Variants in OSBPL10 observed in about 807,000 individuals in gnomAD.
The protein encoded by OSBPL10 is oxysterol-binding protein-related protein 10.
A neutral mutation model predicts 81.7 loss-of-function variants in OSBPL10; 49 were observed. The ratio of observed to expected loss-of-function variants is 0.60; its 90% CI spans 0.48 to 0.76. The LOEUF (loss-of-function observed/expected upper bound fraction) is 0.76, where lower values mean the gene tolerates loss of function less well. Ranked by LOEUF, OSBPL10 falls within the 30% of genes least tolerant of loss-of-function variation. The pLI is 0.00. For synonymous variants in OSBPL10, 419 were observed against 383.6 expected, an observed-to-expected ratio of 1.09 and a Z score of -1.08; for missense variants, 923 against 987.8, an observed-to-expected ratio of 0.93 and a Z score of 0.88.
At chr3:31,855,316 G>C (rs1033294404) in intron 3 of OSBPL10, among the ~76,000 whole-genome samples, 1 of 152,146 alleles carries the variant, frequency 6.6e-6, no homozygotes, top group Admixed American at 6.6e-5. Flanking sequence ...CGCCATGCTC[G>C]GTGAGTTGTC....
intron 2 of OSBPL10, among the ~76,000 whole-genome samples, chr3:32,038,243 C>A (rs1262711087): frequency 6.6e-6 from 1 of 152,112 alleles, no homozygotes; most frequent in Non-Finnish European, 1.5e-5. Flanking sequence ...AACATTACGG[C>A]CAGGAGAAAA....
At position 31,931,199 on chromosome 3, in the gene OSBPL10, T is replaced by C. The variant is rs553445881; in HGVS notation, c.281+49700A>G. Among the ~76,000 whole-genome samples, 277 of 152,008 alleles carry C rather than the reference T, an allele frequency of 1.8e-3. 1 individual carries two copies. Among genetic ancestry groups the C allele is most frequent in the African/African-American group, 6.3e-3 (263 of 41,442 alleles). ...ACAATTCATGGCATTCTCTTTTGGA[T>C]TGAAAACCATGTGAACGTAATACCT... is the stretch of plus-strand genomic sequence containing the variant. On this transcript the variant is annotated intron_variant, in intron 1 of 11. Coordinates refer to ENST00000396556, the MANE Select transcript of OSBPL10 (RefSeq NM_017784.5).
chr3:31,770,871 T>TA (rs1306075172), intron 4 of OSBPL10, among the ~76,000 whole-genome samples: 1 of 152,202 alleles, frequency 6.6e-6, no homozygotes, highest in African/African-American at 2.4e-5. Context: ...TACAAGCTCC[T>TA]ACTCAGTTAA....
rs1699284678 is a variant in OSBPL10 at position 32,013,843 on chromosome 3, A to C, written n.298+32648T>G. Among the ~76,000 whole-genome samples, 6 of 152,242 alleles carry C rather than the reference A, an allele frequency of 3.9e-5. No individual in the cohort carries two copies. The South Asian group carries it at 1.0e-3, about 26-fold the overall frequency. ...TCTATGCAAATAAACTTGAAAATCTAGAAGAAATGGATAAATTCCTCGACA... is the reference window on the plus strand; with the variant it reads ...TCTATGCAAATAAACTTGAAAATCTCGAAGAAATGGATAAATTCCTCGACA... On this transcript the variant is annotated intron_variant and non_coding_transcript_variant, in intron 2 of 3. Transcript: ENST00000479173.
chr3:31,780,085 A>C (rs969779924), intron 4 of OSBPL10, among the ~76,000 whole-genome samples: 5 of 152,074 alleles, frequency 3.3e-5, no homozygotes, highest in African/African-American at 1.2e-4. Context: ...GAGGTCAGGC[A>C]ATCGAGACCA....
chr3:31,825,223 G>C (rs1426673680), intron 4 of OSBPL10, among the ~76,000 whole-genome samples: 12 of 152,212 alleles, frequency 7.9e-5, no homozygotes, highest in Admixed American at 7.9e-4. Context: ...GATAGAGCAA[G>C]GCATGAACTC....
rs553282664 is a variant in OSBPL10, at chr3:31,745,730, G to A, written c.940+2180C>T. Among the ~76,000 whole-genome samples, 26 of 152,266 alleles carry A rather than the reference G, an allele frequency of 1.7e-4. No individual in the cohort carries two copies. In the South Asian group the frequency reaches 5.4e-3, roughly 32 times the overall value. ...TTGTGTCCCAGCATATCATCTGAAC[G>A]ATGGGCATAATCATACCTACTTTGT... On this transcript the variant is annotated intron_variant, in intron 5 of 11. Transcript: ENST00000396556.
intron 1 of OSBPL10, among the ~76,000 whole-genome samples, chr3:31,907,684 T>C (rs1047279875): frequency 6.9e-6 from 1 of 145,898 alleles, no homozygotes; most frequent in African/African-American, 2.6e-5. Flanking sequence ...TCATAACTAG[T>C]TCATATAAGG....
chr3:31,808,802 C>G (rs1049949716), intron 4 of OSBPL10, among the ~76,000 whole-genome samples: 1 of 152,216 alleles, frequency 6.6e-6, no homozygotes, highest in Admixed American at 6.5e-5. Flanking sequence ...GTCTGTTCCA[C>G]TAGAATTTAA....
chr3:31,859,836 T>C (rs1418792993), intron 3 of OSBPL10, among the ~76,000 whole-genome samples: 2 of 152,188 alleles, frequency 1.3e-5, no homozygotes, highest in Non-Finnish European at 2.9e-5. Context: ...CACCCTTACC[T>C]TGTAGTATAA....
rs1030174017 is a variant in OSBPL10, at chr3:31,937,665, TCC to T, written c.281+43232_281+43233del. Among the ~76,000 whole-genome samples the T allele has an allele frequency of 3.1e-4, 46 of 148,178 alleles. 1 individual carries two copies. The highest frequency in any genetic ancestry group is 6.0e-5 in the Non-Finnish European group (4 of 67,138). Reference sequence around the variant, plus strand: ...CAAAACTTCCCTTGGATCCCCACCCTCCTACACCTTTGTACTGAACCTCTTGG... The same window carrying T: ...CAAAACTTCCCTTGGATCCCCACCCTTACACCTTTGTACTGAACCTCTTGG... On this transcript the variant is annotated intron_variant, in intron 1 of 11. Transcript: ENST00000396556.
At chr3:32,039,503 C>T (rs1699551186) in intron 2 of OSBPL10, among the ~76,000 whole-genome samples, 1 of 151,124 alleles carries the variant, frequency 6.6e-6, no homozygotes, top group African/African-American at 2.4e-5. Flanking sequence ...ACTAAAGATA[C>T]AAAAAATTAG....
Position 31,740,857 on chromosome 3 carries a change from T to TTTTATATATATATATATATATATATA in OSBPL10, c.940+7052_940+7053insTATATATATATATATATATATATAAA, listed in dbSNP as rs1553620066. Among the ~76,000 whole-genome samples the TTTTATATATATATATATATATATATA allele has an allele frequency of 1.1e-3, 150 of 136,400 alleles. 1 individual carries two copies. The highest frequency in any genetic ancestry group is 4.8e-3 in the African/African-American group (142 of 29,774). 89.5% of individuals were successfully genotyped at this position (136,400 alleles called of 152,430 possible). A position where few individuals can be genotyped will look rare whatever the true frequency, so the allele number is the denominator to read the frequency against. Reference sequence around the variant, plus strand: ...AACTTAATATGACCACTACTAGAATTTATATATATATGTCATATTTCTTCC... The same window carrying TTTTATATATATATATATATATATATA: ...AACTTAATATGACCACTACTAGAATTTTTATATATATATATATATATATATATATATATATATGTCATATTTCTTCC... On this transcript the variant is annotated intron_variant, in intron 5 of 11. Transcript: ENST00000396556.
intron 4 of OSBPL10, among the ~76,000 whole-genome samples, chr3:31,793,234 G>C (rs1559467647): frequency 6.6e-6 from 1 of 152,102 alleles, no homozygotes; most frequent in African/African-American, 2.4e-5. Flanking sequence ...CAGCCAGACT[G>C]GGAAAGCGCG....
At chr3:32,055,191 CTTTTTTTTTTTT>C (rs139735770) in intron 1 of OSBPL10, among the ~76,000 whole-genome samples, 1 of 58,246 alleles carries the variant, frequency 1.7e-5, no homozygotes, top group African/African-American at 7.4e-5. Context: ...CTATTTATAG[CTTTTTTTTTTTT>C]TTTTTTTTTT....
In OSBPL10 at chr3:32,011,874, C is replaced by T. The variant is rs565451345; in HGVS notation, n.298+34617G>A. ...GGAAGATCAAATGAATGAAATGAAG[C>T]GAGAAGAGAAGTCAGAAAAAAAAGA... On this transcript the variant is annotated intron_variant and non_coding_transcript_variant, in intron 2 of 3. Coordinates refer to the OSBPL10 transcript ENST00000479173. 5.9e-5 allele frequency among the ~76,000 whole-genome samples: 9 copies of T among 151,706 alleles called. No individual in the cohort carries two copies. The South Asian group carries it at 8.4e-4, about 14-fold the overall frequency.
chr3:31,749,386 T>C (rs1476297634), intron 4 of OSBPL10, among the ~76,000 whole-genome samples: 1 of 152,270 alleles, frequency 6.6e-6, no homozygotes, highest in Non-Finnish European at 1.5e-5. Flanking sequence ...CATCTTAGTG[T>C]ACACATCCAT....
At chr3:31,887,203 A>G (rs781389660) in intron 1 of OSBPL10, among the ~76,000 whole-genome samples, 2 of 152,122 alleles carry the variant, frequency 1.3e-5, no homozygotes, top group East Asian at 3.9e-4. Context: ...GTGCACAAAC[A>G]TCTAAAGCTT....
At chr3:32,031,093 A>T (rs971989559) in intron 2 of OSBPL10, among the ~76,000 whole-genome samples, 5 of 151,970 alleles carry the variant, frequency 3.3e-5, no homozygotes, top group Non-Finnish European at 7.4e-5. Flanking sequence ...TGAACCTGGG[A>T]GGCAGAGGTT....
Sources: allele counts gnomAD v4.1 joint callset (sites outside exome capture counted in the v4.1 genomes callset), GRCh38; gene constraint gnomAD v4.1.1; transcripts MANE v1.5; gene names NCBI Gene and HGNC (gene_info 2026-07-23, HGNC 2026-07-21).